The following NEXMIF variants were observed in gnomAD, a reference collection of about 807,000 sequenced individuals.
NEXMIF encodes the protein XLMR protein related to neurite extension.
Under a neutral mutation model 62.1 loss-of-function variants are expected in NEXMIF, and 8 were observed. The observed-to-expected ratio is 0.13, with a 90% CI of 0.08 to 0.23. The LOEUF is 0.23. NEXMIF is among the 10% of genes least tolerant of loss of function. The pLI, the probability that NEXMIF is intolerant of heterozygous loss-of-function variation, is 1.00. For missense variants in NEXMIF, 976 were observed against 1,113.3 expected (o/e 0.88, Z 1.75); for synonymous variants, 404 against 416.6 (o/e 0.97, Z 0.37).
intron 1 of NEXMIF, among the ~76,000 whole-genome samples, chrX:74,870,338 C>T (rs1461358335): frequency 9.0e-6 from 1 of 111,427 alleles, no homozygotes. Flanking sequence ...AGATTAAAGA[C>T]TGAAATCTAA....
chrX:74,825,440 G>A (rs1379244985), intron 1 of NEXMIF, among the ~76,000 whole-genome samples: 3 of 110,427 alleles, frequency 2.7e-5, no homozygotes, highest in Admixed American at 9.7e-5. Context: ...GTGCCCATGT[G>A]TTTGCATCAT....
intron 1 of NEXMIF, among the ~76,000 whole-genome samples, chrX:74,798,023 T>C (rs1399112110): frequency 8.9e-6 from 1 of 112,309 alleles, no homozygotes; most frequent in Admixed American, 9.5e-5. Flanking sequence ...TGAATTTCTA[T>C]GGCCAAGAAA....
intron 1 of NEXMIF, among the ~76,000 whole-genome samples, chrX:74,848,020 T>A (rs1358339755): frequency 9.0e-6 from 1 of 111,000 alleles, no homozygotes. Context: ...TTATAATCAC[T>A]GACATACAGC....
intron 1 of NEXMIF, among the ~76,000 whole-genome samples, chrX:74,794,747 C>G (rs979253871): frequency 9.0e-6 from 1 of 111,377 alleles, no homozygotes; most frequent in Non-Finnish European, 1.9e-5. Flanking sequence ...TTCCAGGTGC[C>G]GTCCGTCACC....
chrX:74,803,390 A>G (rs1485597470), intron 1 of NEXMIF, among the ~76,000 whole-genome samples: 1 of 110,256 alleles, frequency 9.1e-6, no homozygotes, highest in Admixed American at 9.7e-5. Flanking sequence ...CTGTTCTAAA[A>G]ATACAAAAAT....
At chrX:74,904,287 T>C (rs900438805) in intron 1 of NEXMIF, among the ~76,000 whole-genome samples, 1 of 111,777 alleles carries the variant, frequency 8.9e-6, no homozygotes, top group East Asian at 2.8e-4. Context: ...CTAGATCTTA[T>C]TGTTATTGTT....
chrX:74,895,153 G>A (rs1445992541), intron 1 of NEXMIF, among the ~76,000 whole-genome samples: 1 of 112,054 alleles, frequency 8.9e-6, no homozygotes, highest in Non-Finnish European at 1.9e-5. Flanking sequence ...AAAAACAATA[G>A]CATTTCTATA....
rs2080636909 is a variant in NEXMIF at position 74,876,838 on chromosome X, T to G, written c.-48+48045A>C. ...CCCCTGCCTTTTTTTGTTTTCCATT[T>G]GCTTGGTAGATCTTCCTCCATCCTT... is the stretch of plus-strand genomic sequence containing the variant. On this transcript the variant is annotated intron_variant, in intron 1 of 3. Transcript: ENST00000055682. 2.8e-5 allele frequency among the ~76,000 whole-genome samples: 3 copies of G among 107,547 alleles called. No homozygotes were observed. The Admixed American group carries it at 3.1e-4, about 11-fold the overall frequency. The allele number at this position is 107,547 out of a possible 115,157, so 93.4% of individuals were successfully genotyped here.
At chrX:74,745,043 G>A (rs867329381) in intron 2 of NEXMIF, among the ~76,000 whole-genome samples, 1 of 107,723 alleles carries the variant, frequency 9.3e-6, no homozygotes, top group Non-Finnish European at 1.9e-5. Flanking sequence ...ATGCAGTGGC[G>A]TGATCTCGGC....
At chrX:74,885,002 C>A (rs1479980638) in intron 1 of NEXMIF, among the ~76,000 whole-genome samples, 1 of 110,610 alleles carries the variant, frequency 9.0e-6, no homozygotes, top group African/African-American at 3.3e-5. Context: ...TCACTCAAAA[C>A]CACTCAACTA....
At chrX:74,769,745 G>A in intron 1 of NEXMIF, 1 of 576,700 alleles carries the variant, frequency 1.7e-6, no homozygotes, top group Non-Finnish European at 3.1e-6. Flanking sequence ...GAAAGATGAG[G>A]GACTGCAGTA....
At chrX:74,792,343 T>C (rs1222308137) in intron 1 of NEXMIF, among the ~76,000 whole-genome samples, 3 of 105,642 alleles carry the variant, frequency 2.8e-5, no homozygotes, top group Admixed American at 1.0e-4. Flanking sequence ...TGAGAGATAG[T>C]TTGTTATAAT....
intron 1 of NEXMIF, among the ~76,000 whole-genome samples, chrX:74,915,642 A>G (rs2080803928): frequency 1.8e-5 from 2 of 111,884 alleles, no homozygotes; most frequent in African/African-American, 3.3e-5. Flanking sequence ...TAGACCAAAT[A>G]TAAGTAGAGG....
chrX:74,902,679 C>T (rs191802933), intron 1 of NEXMIF, among the ~76,000 whole-genome samples: 98 of 111,745 alleles, frequency 8.8e-4, no homozygotes, highest in African/African-American at 3.0e-3. Context: ...CTTGGCCTGC[C>T]ATCCTCCTGG....
At chrX:74,852,340 G>C (rs1157628568) in intron 1 of NEXMIF, among the ~76,000 whole-genome samples, 1 of 111,370 alleles carries the variant, frequency 9.0e-6, no homozygotes, top group Non-Finnish European at 1.9e-5. Context: ...TAGATCTAAA[G>C]GGAGAGATAG....
chrX:74,806,874 T>A (rs145782511), intron 1 of NEXMIF, among the ~76,000 whole-genome samples: 1 of 112,974 alleles, frequency 8.9e-6, no homozygotes, highest in African/African-American at 3.2e-5. Context: ...ATCAGTTGAC[T>A]GTATTTGTGT....
In NEXMIF at chrX:74,741,276, G is replaced by A. The variant is rs1291469407; in HGVS notation, c.3281C>T (p.Thr1094Ile). Residue 1094 changes from threonine to isoleucine, a missense_variant, in exon 3 of 4, where the codon ACA (threonine) becomes ATA (isoleucine). By Grantham distance (89) the Thr-to-Ile change is moderately conservative. Coordinates refer to ENST00000055682, the MANE Select transcript of NEXMIF (RefSeq NM_001008537.3). Reference sequence around the variant, plus strand: ...GACACCCTCTTGGAACCCCTTTAGTGTTCCTAGTGTCTTCATACTCTCACA... The same window carrying A: ...GACACCCTCTTGGAACCCCTTTAGTATTCCTAGTGTCTTCATACTCTCACA... ...TRCESMKTLG[T>I]LKGFQEGVPG... is the part of the protein sequence containing the mutation. The A allele has an allele frequency of 8.3e-7, 1 of 1,211,071 alleles. No individual in the cohort carries two copies. Among genetic ancestry groups the A allele is most frequent in the Non-Finnish European group, 1.1e-6 (1 of 895,058 alleles).
At position 74,766,041 on chromosome X, in the gene NEXMIF, CAAA is replaced by C. The variant is rs35891512; in HGVS notation, c.-47-20347_-47-20345del. Reference sequence around the variant, plus strand: ...GGGTGACAGAGTGAGACTCTGTCTCCAAAAAAAAAAAAAAAAATGTTGAATATA... The same window carrying C: ...GGGTGACAGAGTGAGACTCTGTCTCCAAAAAAAAAAAAAATGTTGAATATA... On this transcript the variant is annotated intron_variant, in intron 1 of 3. Transcript: ENST00000055682. 2.7e-3 allele frequency among the ~76,000 whole-genome samples: 209 copies of C among 78,766 alleles called. 1 individual carries two copies. Among genetic ancestry groups the C allele is most frequent in the South Asian group, 6.2e-3 (9 of 1,444 alleles). The allele number at this position is 78,766 out of a possible 115,157, so 68.4% of individuals were successfully genotyped here.
At chrX:74,873,225 G>A (rs917103996) in intron 1 of NEXMIF, among the ~76,000 whole-genome samples, 3 of 110,387 alleles carry the variant, frequency 2.7e-5, no homozygotes, top group Non-Finnish European at 5.7e-5. Flanking sequence ...CCACCTATGA[G>A]TGAGAATATG....
Sources: gnomAD v4.1 joint callset for allele counts (sites outside exome capture counted in the v4.1 genomes callset) on GRCh38, gnomAD v4.1.1 for gene constraint, MANE v1.5 for transcripts, NCBI Gene and HGNC (gene_info 2026-07-23, HGNC 2026-07-21) for gene names.